The following TAOK3 variants were observed in gnomAD, a reference collection of about 807,000 sequenced individuals.
TAOK3 encodes the protein TAO kinase 3, also known as serine/threonine-protein kinase TAO3.
A neutral mutation model predicts 120.4 loss-of-function variants in TAOK3; 40 were observed. The observed-to-expected ratio is 0.33, with a 90% confidence interval of 0.26 to 0.43. The LOEUF is 0.43. TAOK3 is among the 20% of genes least tolerant of loss of function. The probability of loss-of-function intolerance (pLI) is 1.00; values close to 1 mark genes in which losing one functional copy is unlikely to be tolerated. For synonymous variants in TAOK3, 355 were observed against 387.5 expected, an observed-to-expected ratio of 0.92 and a Z score of 0.99; for missense variants, 821 against 1,112.1, an observed-to-expected ratio of 0.74 and a Z score of 3.72.
intron 1 of TAOK3, among the ~76,000 whole-genome samples, chr12:118,353,470 A>G (rs1268259455): frequency 6.6e-6 from 1 of 152,046 alleles, no homozygotes; most frequent in African/African-American, 2.4e-5. Flanking sequence ...GTGTACAGGC[A>G]AATCAGAAAG....
chr12:118,367,239 A>T (rs1056282783), intron 1 of TAOK3, among the ~76,000 whole-genome samples: 2 of 152,188 alleles, frequency 1.3e-5, no homozygotes, highest in African/African-American at 4.8e-5. Flanking sequence ...TAACTTGCAA[A>T]TTAGAAATAA....
chr12:118,294,971 G>A (rs538086938), intron 1 of TAOK3, among the ~76,000 whole-genome samples: 33 of 152,098 alleles, frequency 2.2e-4, no homozygotes, highest in Non-Finnish European at 1.9e-4. Flanking sequence ...GGATCCAAGT[G>A]GACGCACTGA....
intron 9 of TAOK3, among the ~76,000 whole-genome samples, chr12:118,233,100 C>T (rs1354836364): frequency 1.3e-5 from 2 of 151,718 alleles, no homozygotes; most frequent in Non-Finnish European, 2.9e-5. Flanking sequence ...ATGTCCTTTG[C>T]AGGGACATGG....
At chr12:118,346,465 A>G (rs1411846763) in intron 1 of TAOK3, among the ~76,000 whole-genome samples, 1 of 152,258 alleles carries the variant, frequency 6.6e-6, no homozygotes, top group East Asian at 1.9e-4. Context: ...TTTCTATTCT[A>G]TAGAAAATAC....
chr12:118,345,365 A>T (rs905618839), intron 1 of TAOK3, among the ~76,000 whole-genome samples: 2 of 152,210 alleles, frequency 1.3e-5, no homozygotes, highest in Non-Finnish European at 2.9e-5. Context: ...CTTAAGGATG[A>T]TCTCAAAAGG....
chr12:118,249,711 G>A (rs979963198), intron 3 of TAOK3, among the ~76,000 whole-genome samples: 10 of 151,932 alleles, frequency 6.6e-5, no homozygotes, highest in South Asian at 2.1e-4. Context: ...GCTTGTAGTC[G>A]TAGCTACCTA....
chr12:118,188,563 C>T (rs2037215634), intron 14 of TAOK3, among the ~76,000 whole-genome samples: 1 of 152,148 alleles, frequency 6.6e-6, no homozygotes, highest in Admixed American at 6.5e-5. Context: ...CAGCAGCAGG[C>T]ACAGCAATAT....
At chr12:118,354,629 G>A (rs2045317440) in intron 1 of TAOK3, among the ~76,000 whole-genome samples, 1 of 152,068 alleles carries the variant, frequency 6.6e-6, no homozygotes, top group Non-Finnish European at 1.5e-5. Flanking sequence ...CATTGTGGGA[G>A]GAACTCGGTG....
intron 1 of TAOK3, among the ~76,000 whole-genome samples, chr12:118,351,861 GTTC>G (rs1222952098): frequency 8.3e-6 from 1 of 120,576 alleles, no homozygotes; most frequent in African/African-American, 3.0e-5. Flanking sequence ...TTAATCTATA[GTTC>G]TTTTTTTTTT....
At chr12:118,209,717 C>CTT (rs34444685) in intron 11 of TAOK3, among the ~76,000 whole-genome samples, 121 of 142,616 alleles carry the variant, frequency 8.5e-4, no homozygotes, top group Middle Eastern at 3.7e-3. Flanking sequence ...TCTTCTTCTT[C>CTT]TTTTTTTTTT....
intron 11 of TAOK3, among the ~76,000 whole-genome samples, chr12:118,208,486 C>T (rs759370056): frequency 2.8e-4 from 43 of 152,036 alleles, no homozygotes; most frequent in Non-Finnish European, 3.5e-4. Context: ...TTTCAACTTA[C>T]GAGAGAGATG....
At chr12:118,215,312 G>A (rs373054708) in intron 9 of TAOK3, among the ~76,000 whole-genome samples, 16 of 140,938 alleles carry the variant, frequency 1.1e-4, no homozygotes, top group East Asian at 8.4e-4. Context: ...TGGCTAACAC[G>A]GTGAAAGCCC....
chr12:118,151,172 G>T lies in TAOK3; in HGVS notation c.2536-14C>A. The T allele has an allele frequency of 6.2e-7, 1 of 1,609,790 alleles. No homozygotes were observed. Reference sequence around the variant, plus strand: ...CTCCTCTTCAATCTGAAAGAAGCACGATGCAGTTCTTAATGGAAAGCATCT... The same window carrying T: ...CTCCTCTTCAATCTGAAAGAAGCACTATGCAGTTCTTAATGGAAAGCATCT... On this transcript the variant is annotated splice_polypyrimidine_tract_variant and intron_variant, in intron 20 of 20. Coordinates refer to ENST00000392533, the MANE Select transcript of TAOK3 (RefSeq NM_016281.4).
intron 9 of TAOK3, among the ~76,000 whole-genome samples, chr12:118,227,173 C>T (rs2039547060): frequency 6.6e-6 from 1 of 151,110 alleles, no homozygotes; most frequent in Non-Finnish European, 1.5e-5. Context: ...AAGATCGTAA[C>T]TGAGGTGTTG....
intron 14 of TAOK3, among the ~76,000 whole-genome samples, chr12:118,186,548 G>A (rs185851167): frequency 6.6e-6 from 1 of 152,226 alleles, no homozygotes. Context: ...AAAGGCCCAA[G>A]AAGTCAGATT....
At chr12:118,247,247 T>C (rs1435332288) in intron 3 of TAOK3, among the ~76,000 whole-genome samples, 1 of 152,166 alleles carries the variant, frequency 6.6e-6, no homozygotes, top group Non-Finnish European at 1.5e-5. Context: ...AAGGGGGACT[T>C]TGGTTTTCAG....
At chr12:118,307,903 G>C (rs1593484559) in intron 1 of TAOK3, among the ~76,000 whole-genome samples, 1 of 151,620 alleles carries the variant, frequency 6.6e-6, no homozygotes, top group East Asian at 1.9e-4. Context: ...GACACTACAT[G>C]ATAGTTACTG....
intron 1 of TAOK3, among the ~76,000 whole-genome samples, chr12:118,341,488 T>G (rs1381493469): frequency 2.0e-5 from 3 of 152,138 alleles, no homozygotes; most frequent in African/African-American, 7.2e-5. Flanking sequence ...ATTTTAAAAA[T>G]TAAACTTAGA....
intron 1 of TAOK3, among the ~76,000 whole-genome samples, chr12:118,363,634 G>A (rs1485699647): frequency 6.6e-6 from 1 of 152,088 alleles, no homozygotes; most frequent in Non-Finnish European, 1.5e-5. Context: ...ATGAGGAACA[G>A]AAGGCATACT....
Sources: gnomAD v4.1 joint callset for allele counts (sites outside exome capture counted in the v4.1 genomes callset) on GRCh38, gnomAD v4.1.1 for gene constraint, MANE v1.5 for transcripts, NCBI Gene and HGNC (gene_info 2026-07-23, HGNC 2026-07-21) for gene names.